ERBB4: variants seen among roughly 807,000 people sequenced by gnomAD.
ERBB4 encodes the protein receptor tyrosine-protein kinase erbB-4.
In ERBB4, 42 loss-of-function variants were observed where a neutral mutation model predicts 158.0. The observed-to-expected ratio is 0.27, with a 90% CI of 0.21 to 0.34. The LOEUF (loss-of-function observed/expected upper bound fraction) is 0.34. Ranked by LOEUF, ERBB4 falls within the 10% of genes least tolerant of loss-of-function variation. ERBB4 has a pLI of 1.00. For synonymous variants in ERBB4, 583 were observed against 558.7 expected (o/e 1.04, Z -0.61); for missense variants, 1,333 against 1,624.1 (o/e 0.82, Z 3.08).
chr2:212,164,674 T>C (rs1425131767), intron 1 of ERBB4, among the ~76,000 whole-genome samples: 1 of 130,108 alleles, frequency 7.7e-6, no homozygotes, highest in Non-Finnish European at 1.6e-5. Context: ...ATTCCTCATT[T>C]TGATTTTTAG....
At chr2:212,228,521 G>T (rs2083552151) in intron 1 of ERBB4, among the ~76,000 whole-genome samples, 1 of 152,090 alleles carries the variant, frequency 6.6e-6, no homozygotes, top group Admixed American at 6.6e-5. Context: ...CATTCATTCA[G>T]CAAGAACATT....
At chr2:211,609,926 TGATAAC>T (rs2069129473) in intron 19 of ERBB4, among the ~76,000 whole-genome samples, 1 of 152,202 alleles carries the variant, frequency 6.6e-6, no homozygotes, top group Non-Finnish European at 1.5e-5. Flanking sequence ...AACCTCTGAC[TGATAAC>T]AACAGTGGTG....
chr2:212,212,539 TC>T (rs1369594039), intron 1 of ERBB4, among the ~76,000 whole-genome samples: 1 of 135,650 alleles, frequency 7.4e-6, no homozygotes, highest in African/African-American at 2.8e-5. Flanking sequence ...TCATTGACAT[TC>T]TTCACAGAAT....
intron 2 of ERBB4, among the ~76,000 whole-genome samples, chr2:211,986,880 C>T (rs2081950658): frequency 6.6e-6 from 1 of 152,056 alleles, no homozygotes; most frequent in African/African-American, 2.4e-5. Flanking sequence ...TTTACAAAGA[C>T]TCTGGTGGAA....
intron 2 of ERBB4, among the ~76,000 whole-genome samples, chr2:211,968,520 C>T (rs1008576542): frequency 1.3e-5 from 2 of 152,026 alleles, no homozygotes; most frequent in Admixed American, 6.6e-5. Flanking sequence ...CTACTTCACC[C>T]TATCAGTTTC....
At chr2:212,382,183 C>T (rs987267727) in intron 1 of ERBB4, among the ~76,000 whole-genome samples, 3 of 147,494 alleles carry the variant, frequency 2.0e-5, no homozygotes, top group Admixed American at 1.4e-4. Context: ...TGCACACATA[C>T]ATATAAACAC....
At chr2:212,140,200 C>A (rs1341052873) in intron 1 of ERBB4, among the ~76,000 whole-genome samples, 2 of 151,000 alleles carry the variant, frequency 1.3e-5, no homozygotes, top group African/African-American at 2.4e-5. Flanking sequence ...AAAATAATAA[C>A]CCTTAAAACA....
chr2:212,082,615 A>G (rs1039511297), intron 2 of ERBB4, among the ~76,000 whole-genome samples: 3 of 152,022 alleles, frequency 2.0e-5, no homozygotes, highest in African/African-American at 7.2e-5. Context: ...ATTTTCTACA[A>G]GTGGATTCGT....
At chr2:211,497,895 C>G (rs10932378) in intron 20 of ERBB4, among the ~76,000 whole-genome samples, 60,698 of 151,850 alleles carry the variant, frequency 0.4, 12,846 homozygotes, top group African/African-American at 0.53. Flanking sequence ...AACTAGAAAA[C>G]ACAGACAAGA....
At chr2:212,116,318 C>T (rs1378690757) in intron 2 of ERBB4, among the ~76,000 whole-genome samples, 1 of 151,602 alleles carries the variant, frequency 6.6e-6, no homozygotes, top group Non-Finnish European at 1.5e-5. Context: ...TTGTATCATT[C>T]CTTCTAATAC....
intron 20 of ERBB4, among the ~76,000 whole-genome samples, chr2:211,521,836 A>C (rs1372478669): frequency 6.6e-6 from 1 of 152,162 alleles, no homozygotes; most frequent in Non-Finnish European, 1.5e-5. Flanking sequence ...CGAAACAACA[A>C]GGCCCAGATG....
intron 1 of ERBB4, among the ~76,000 whole-genome samples, chr2:212,245,396 A>C (rs532050343): frequency 6.6e-6 from 1 of 152,144 alleles, no homozygotes; most frequent in Middle Eastern, 3.2e-3. Context: ...GTTTTGAAAA[A>C]TAATTTTGAT....
At chr2:212,516,936 T>C (rs982013462) in intron 1 of ERBB4, among the ~76,000 whole-genome samples, 2 of 152,136 alleles carry the variant, frequency 1.3e-5, no homozygotes, top group Non-Finnish European at 2.9e-5. Context: ...CTGAATTCCA[T>C]TGAACTATGT....
rs2077623372 is a variant in ERBB4, at chr2:211,847,666, T to C, written c.422-59507A>G. On this transcript the variant is annotated intron_variant, in intron 3 of 27. Coordinates refer to ENST00000342788, the MANE Select transcript of ERBB4 (RefSeq NM_005235.3). ...TGCAATTTTTTTGGCTCGTCAGCTA[T>C]GGTTAGTGTTAGTGTATTTTATGTA... Among the ~76,000 whole-genome samples the C allele has an allele frequency of 2.6e-5, 4 of 152,186 alleles. No homozygotes were observed. In the South Asian group the frequency reaches 8.3e-4, roughly 32 times the overall value.
intron 2 of ERBB4, among the ~76,000 whole-genome samples, chr2:212,045,750 T>C (rs1340534801): frequency 6.6e-6 from 1 of 152,204 alleles, no homozygotes; most frequent in Admixed American, 6.5e-5. Flanking sequence ...CGCTACTGTG[T>C]CCAAGAATAG....
At chr2:212,413,507 T>C (rs948789035) in intron 1 of ERBB4, among the ~76,000 whole-genome samples, 12 of 152,190 alleles carry the variant, frequency 7.9e-5, no homozygotes, top group African/African-American at 2.9e-4. Flanking sequence ...TTAATTATGG[T>C]GATCATAATT....
At chr2:211,482,820 G>A (rs1348090007) in intron 20 of ERBB4, among the ~76,000 whole-genome samples, 5 of 152,024 alleles carry the variant, frequency 3.3e-5, no homozygotes, top group Admixed American at 1.3e-4. Context: ...CAGGAGAATC[G>A]CTTGAACCTG....
chr2:211,815,556 C>A (rs1361167273), intron 3 of ERBB4, among the ~76,000 whole-genome samples: 1 of 152,114 alleles, frequency 6.6e-6, no homozygotes, highest in Non-Finnish European at 1.5e-5. Flanking sequence ...AAATATTCCA[C>A]TTTTAAGTCT....
At chr2:211,428,332 C>T in intron 22 of ERBB4, 76 bp downstream of exon 22, 5 of 842,614 alleles carry the variant, frequency 5.9e-6, no homozygotes, top group South Asian at 4.1e-5. Flanking sequence ...AATAATTTAG[C>T]TTAAGATATT....
Sources: gnomAD v4.1 joint callset for allele counts (sites outside exome capture counted in the v4.1 genomes callset) on GRCh38, gnomAD v4.1.1 for gene constraint, MANE v1.5 for transcripts, NCBI Gene and HGNC (gene_info 2026-07-23, HGNC 2026-07-21) for gene names.